OR2A14: variants seen among roughly 807,000 people sequenced by gnomAD.
OR2A14 encodes olfactory receptor 2A14.
A neutral mutation model predicts 2.4 loss-of-function variants in OR2A14; 2 were observed. That is an observed-to-expected ratio of 0.85 (90% CI 0.35 to 2.67). The LOEUF is 2.67. Ranked by LOEUF, OR2A14 falls within the 30% of genes most tolerant of loss-of-function variation. OR2A14 has a pLI of 0.10. For synonymous variants in OR2A14, 160 were observed against 156.3 expected, an observed-to-expected ratio of 1.02 and a Z score of -0.18; for missense variants, 390 against 379.4, an observed-to-expected ratio of 1.03 and a Z score of -0.23.
At chr7:144,126,502 C>A (rs1324189013) in intron 1 of OR2A14, among the ~76,000 whole-genome samples, 1 of 152,072 alleles carries the variant, frequency 6.6e-6, no homozygotes, top group Non-Finnish European at 1.5e-5. Context: ...AGGGTTGTGG[C>A]CTTCATGGTT....
In OR2A14 at chr7:144,129,999, T is replaced by A; in HGVS notation, c.887T>A (p.Val296Asp). The A allele has an allele frequency of 6.2e-7, 1 of 1,613,966 alleles. No individual in the cohort carries two copies. Among genetic ancestry groups the A allele is most frequent in the Non-Finnish European group, 8.5e-7 (1 of 1,179,968 alleles). ...ATATATAGCCTAAGGAATGCAGAGG[T>A]CAAGGGCGCCCTGAGGAGGGCACTG... The part of the protein sequence containing the change: ...PLIYSLRNAE[V>D]KGALRRALRK... The change falls in exon 2 of 2, where the codon GTC (valine) becomes GAC (aspartate). Residue 296 changes from valine to aspartate, a missense_variant. Coordinates refer to ENST00000641068, the MANE Select transcript of OR2A14 (RefSeq NM_001001659.3).
rs1006569099 is a variant in OR2A14, at chr7:144,131,124, T to C, written c.*1079T>C. 3 of 152,224 alleles carry C rather than the reference T, an allele frequency of 2.0e-5. No individual in the cohort carries two copies. The highest frequency in any genetic ancestry group is 4.4e-5 in the Non-Finnish European group (3 of 68,046). The allele number at this position is 152,224 out of a possible 1,614,324, so 9.4% of individuals were successfully genotyped here. ...TACTTGAGAGTGAGACTTTTCCTCC[T>C]TTGACACTTTCTAAAATATGCCATG... On this transcript the variant is annotated 3_prime_UTR_variant, in exon 2 of 2. Transcript: ENST00000641068.
intron 1 of OR2A14, among the ~76,000 whole-genome samples, chr7:144,126,901 ACCTTAATCC>A (rs2051486124): frequency 6.6e-6 from 1 of 152,068 alleles, no homozygotes; most frequent in South Asian, 2.1e-4. Context: ...TGCTCCTGAT[ACCTTAATCC>A]CAAGCAGATA....
chr7:144,128,927 C>A (rs1478657281), intron 1 of OR2A14, 152 bp from the exon 2 acceptor site: 1 of 578,458 alleles, frequency 1.7e-6, no homozygotes, highest in Non-Finnish European at 3.1e-6. Context: ...TGTATGTATT[C>A]TTATTATTCC....
Position 144,130,568 on chromosome 7 carries a change from A to G in OR2A14, c.*523A>G, listed in dbSNP as rs1175637929. The G allele has an allele frequency of 6.5e-6, 1 of 153,080 alleles. No homozygotes were observed. Among genetic ancestry groups the G allele is most frequent in the Non-Finnish European group, 1.5e-5 (1 of 68,694 alleles). The allele number at this position is 153,080 out of a possible 1,614,324, so 9.5% of individuals were successfully genotyped here. A position where few individuals can be genotyped will look rare whatever the true frequency, so the allele number is the denominator to read the frequency against. On this transcript the variant is annotated 3_prime_UTR_variant, in exon 2 of 2. Coordinates refer to ENST00000641068, the MANE Select transcript of OR2A14 (RefSeq NM_001001659.3). ...TGCTGCTTTCCACCATTAGTAAGCA[A>G]GGAATTGTAAATTAAAACCACCATG... is the stretch of plus-strand genomic sequence containing the variant.
In OR2A14 at chr7:144,129,149, T is replaced by C. The variant is rs1194472736; in HGVS notation, c.37T>C (p.Leu13=). The C allele has an allele frequency of 6.2e-6, 10 of 1,612,118 alleles. No homozygotes were observed. The highest frequency in any genetic ancestry group is 8.5e-6 in the Non-Finnish European group (10 of 1,179,972). Residue 13 remains leucine, a synonymous_variant, in exon 2 of 2, where the codon TTG becomes CTG. Coordinates refer to ENST00000641068, the MANE Select transcript of OR2A14 (RefSeq NM_001001659.3). ...CAAGACATGGATCACAGACATCACC[T>C]TGCCGCGATTCCAGGTTGGTCCAGC... The part of the protein sequence containing the change: ...GNKTWITDIT[L]PRFQVGPALE...
At position 144,129,122 on chromosome 7, in the gene OR2A14, A is replaced by C. The variant is rs2051506258; in HGVS notation, c.10A>C (p.Asn4His). Residue 4 changes from asparagine to histidine, a missense_variant, in exon 2 of 2, where the codon AAC becomes CAC. By Grantham distance (68) the Asn-to-His change is moderately conservative (BLOSUM62 1). Transcript: ENST00000641068. MEG[N>H]KTWITDITLP... ...AGATGTCCACAAGAGCATGGAAGGCAACAAGACATGGATCACAGACATCAC... is the reference window on the plus strand; with the variant it reads ...AGATGTCCACAAGAGCATGGAAGGCCACAAGACATGGATCACAGACATCAC... 6.2e-7 allele frequency: 1 copy of C among 1,612,768 alleles called. No homozygotes were observed. Among genetic ancestry groups the C allele is most frequent in the East Asian group, 2.2e-5 (1 of 44,858 alleles).
chr7:144,127,670 C>T (rs1328949150), intron 1 of OR2A14, among the ~76,000 whole-genome samples: 1 of 152,116 alleles, frequency 6.6e-6, no homozygotes, highest in African/African-American at 2.4e-5. Flanking sequence ...TTTAAATACT[C>T]TGTACAATAC....
At position 144,129,914 on chromosome 7, in the gene OR2A14, G is replaced by A. The variant is rs868252396; in HGVS notation, c.802G>A (p.Glu268Lys). 1 of 1,614,164 alleles carries A rather than the reference G, an allele frequency of 6.2e-7. No homozygotes were observed. Among genetic ancestry groups the A allele is most frequent in the Non-Finnish European group, 8.5e-7 (1 of 1,180,022 alleles). The change falls in exon 2 of 2, where the codon GAG becomes AAG. Residue 268 changes from glutamate (E) to lysine (K), a missense_variant. Transcript: ENST00000641068. ...YMAPKSRHPE[E>K]QQKVLSLFYS... is the part of the protein sequence containing the mutation. The stretch of plus-strand genomic sequence containing the variant: ...GGCCCCCAAGTCCCGCCATCCTGAG[G>A]AGCAGCAGAAAGTTCTTTCCCTGTT...
intron 1 of OR2A14, among the ~76,000 whole-genome samples, chr7:144,123,926 A>G (rs1034038073): frequency 4.6e-5 from 7 of 152,090 alleles, no homozygotes; most frequent in African/African-American, 1.7e-4. Context: ...GGATCCAGAC[A>G]TTCTCCTTAA....
intron 1 of OR2A14, among the ~76,000 whole-genome samples, chr7:144,124,788 G>T (rs1378409836): frequency 1.3e-5 from 2 of 152,044 alleles, no homozygotes; most frequent in Non-Finnish European, 2.9e-5. Flanking sequence ...TTCAGTAAGG[G>T]AGTGTGGTTA....
At chr7:144,127,645 T>C (rs2051490976) in intron 1 of OR2A14, among the ~76,000 whole-genome samples, 1 of 152,226 alleles carries the variant, frequency 6.6e-6, no homozygotes, top group South Asian at 2.1e-4. Flanking sequence ...TTATATTAAG[T>C]GAAAAATTGT....
Position 144,129,089 on chromosome 7 carries a change from C to T in OR2A14, c.-24C>T, listed in dbSNP as rs2051505780. On this transcript the variant is annotated 5_prime_UTR_variant, in exon 2 of 2. Transcript: ENST00000641068. ...TTGACTGGCCCACAGCTCTGACCTT[C>T]CTGTCCTAGATGTCCACAAGAGCAT... 2.5e-6 allele frequency: 4 copies of T among 1,587,596 alleles called. No homozygotes were observed. The highest frequency in any genetic ancestry group is 3.4e-5 in the Admixed American group (2 of 59,060).
intron 1 of OR2A14, among the ~76,000 whole-genome samples, chr7:144,124,962 T>C (rs114243325): frequency 0.011 from 1,725 of 152,310 alleles, 25 homozygotes; most frequent in African/African-American, 0.04. Flanking sequence ...TGCAACACCA[T>C]GATGATTGCA....
At position 144,129,425 on chromosome 7, in the gene OR2A14, G is replaced by C. The variant is rs372060689; in HGVS notation, c.313G>C (p.Ala105Pro). The change falls in exon 2 of 2, where the codon GCT becomes CCT. Residue 105 changes from alanine to proline, a missense_variant. Coordinates refer to ENST00000641068, the MANE Select transcript of OR2A14 (RefSeq NM_001001659.3). Reference protein sequence around the residue: ...PCIMQTFLYLAFAHVECLILV... With the variant: ...PCIMQTFLYLPFAHVECLILV... The stretch of plus-strand genomic sequence containing the variant: ...CATAATGCAGACATTCTTGTATTTG[G>C]CTTTTGCTCACGTAGAGTGTCTGAT... 1.1e-5 allele frequency: 18 copies of C among 1,614,060 alleles called. No homozygotes were observed. Among genetic ancestry groups the C allele is most frequent in the Non-Finnish European group, 1.4e-5 (17 of 1,179,984 alleles).
At chr7:144,128,520 G>A (rs1390903913) in intron 1 of OR2A14, among the ~76,000 whole-genome samples, 1 of 152,146 alleles carries the variant, frequency 6.6e-6, no homozygotes, top group African/African-American at 2.4e-5. Context: ...ATCTCAGAAA[G>A]CTTTAAAGAA....
At position 144,125,727 on chromosome 7, in the gene OR2A14, C is replaced by A. The variant is rs2051478273; in HGVS notation, c.-35+2463C>A. Among the ~76,000 whole-genome samples the A allele has an allele frequency of 2.0e-5, 3 of 152,164 alleles. No individual in the cohort carries two copies. The South Asian group carries it at 6.2e-4, about 32-fold the overall frequency. ...CTTTCACTAAGAATTCTATTTGTTT[C>A]TTTCTTTATTCCTGCTCTTTAGAAA... is the stretch of plus-strand genomic sequence containing the variant. On this transcript the variant is annotated intron_variant, in intron 1 of 1. Transcript: ENST00000641068.
rs760832744 is a variant in OR2A14, at chr7:144,130,065, TGG to T, written c.*23_*24del. The stretch of plus-strand genomic sequence containing the variant: ...ACGTGAGACATCTCAAAGGGAACCA[TGG>T]GGAGGGAGCCTTGCTCCCTGCAAAA... On this transcript the variant is annotated 3_prime_UTR_variant, in exon 2 of 2. Transcript: ENST00000641068. 11 of 1,588,728 alleles carry T rather than the reference TGG, an allele frequency of 6.9e-6. No homozygotes were observed. Among genetic ancestry groups the T allele is most frequent in the Non-Finnish European group, 8.6e-6 (10 of 1,165,528 alleles).
At chr7:144,124,753 C>CTATTA (rs1342528982) in intron 1 of OR2A14, among the ~76,000 whole-genome samples, 1 of 152,118 alleles carries the variant, frequency 6.6e-6, no homozygotes, top group African/African-American at 2.4e-5. Flanking sequence ...TGACCTCTTA[C>CTATTA]TATTACAGCC....
Sources: allele counts gnomAD v4.1 joint callset (sites outside exome capture counted in the v4.1 genomes callset), GRCh38; gene constraint gnomAD v4.1.1; transcripts MANE v1.5; gene names NCBI Gene and HGNC (gene_info 2026-07-23, HGNC 2026-07-21).